Variants in EYS observed in about 807,000 individuals in gnomAD.
EYS encodes EGF-like photoreceptor maintenance factor.
In EYS, 250 loss-of-function variants were observed where a neutral mutation model predicts 282.1. The observed-to-expected ratio is 0.89, with a 90% confidence interval of 0.80 to 0.98. The LOEUF is 0.98. Ranked by LOEUF, EYS falls within the 50% of genes least tolerant of loss-of-function variation. The pLI, the probability that EYS is intolerant of heterozygous loss-of-function variation, is 0.00. For synonymous variants in EYS, 1,355 were observed against 1,282.9 expected, an observed-to-expected ratio of 1.06 and a Z score of -1.20; for missense variants, 4,016 against 3,709.0, an observed-to-expected ratio of 1.08 and a Z score of -2.15.
chr6:64,388,941 G>A (rs1773006501), intron 28 of EYS, 101 bp from the exon 29 acceptor site: 2 of 797,760 alleles, frequency 2.5e-6, no homozygotes, highest in African/African-American at 1.8e-5. Context: ...TAAGTAAATA[G>A]ATTATTTCAC....
intron 26 of EYS, among the ~76,000 whole-genome samples, chr6:64,453,923 T>C (rs922699591): frequency 1.3e-5 from 2 of 152,048 alleles, no homozygotes; most frequent in Non-Finnish European, 2.9e-5. Context: ...CGAGTTAATG[T>C]GTGCAGCACA....
chr6:64,777,181 G>T (rs1421883351), intron 22 of EYS, among the ~76,000 whole-genome samples: 1 of 152,094 alleles, frequency 6.6e-6, no homozygotes, highest in African/African-American at 2.4e-5. Context: ...ATTTGGGTGG[G>T]GCACAGCTAA....
intron 12 of EYS, among the ~76,000 whole-genome samples, chr6:65,103,298 G>A (rs767175466): frequency 2.0e-5 from 3 of 151,476 alleles, no homozygotes; most frequent in Non-Finnish European, 4.4e-5. Context: ...TATAACAATT[G>A]AAATAAATTA....
At chr6:64,269,911 A>C (rs941278822) in intron 30 of EYS, among the ~76,000 whole-genome samples, 1 of 152,094 alleles carries the variant, frequency 6.6e-6, no homozygotes. Context: ...TTGTAGTAAA[A>C]AAAAGGACAA....
intron 31 of EYS, among the ~76,000 whole-genome samples, chr6:64,164,318 T>C (rs1304516989): frequency 6.6e-6 from 1 of 152,122 alleles, no homozygotes; most frequent in Non-Finnish European, 1.5e-5. Context: ...AAAATACTTT[T>C]CTTACCATGA....
intron 26 of EYS, among the ~76,000 whole-genome samples, chr6:64,522,885 T>C (rs1213913780): frequency 1.3e-5 from 2 of 151,780 alleles, no homozygotes; most frequent in East Asian, 3.9e-4. Flanking sequence ...CAGTTAAAGA[T>C]GAAAAGAAAA....
chr6:65,529,281 T>A (rs1767678369), intron 2 of EYS, among the ~76,000 whole-genome samples: 1 of 152,198 alleles, frequency 6.6e-6, no homozygotes, highest in Admixed American at 6.5e-5. Flanking sequence ...GCTTACTTCC[T>A]CATAATTCTG....
intron 30 of EYS, among the ~76,000 whole-genome samples, chr6:64,270,068 T>C (rs1767891021): frequency 6.6e-6 from 1 of 152,156 alleles, no homozygotes; most frequent in Non-Finnish European, 1.5e-5. Flanking sequence ...GATAATTGGA[T>C]AATGGCTGAA....
At chr6:64,740,180 T>C (rs535989543) in intron 22 of EYS, among the ~76,000 whole-genome samples, 33 of 152,246 alleles carry the variant, frequency 2.2e-4, no homozygotes, top group African/African-American at 7.5e-4. Flanking sequence ...CAGCACAATC[T>C]ACATAATCAC....
chr6:64,865,768 T>C (rs892428600), intron 19 of EYS, among the ~76,000 whole-genome samples: 1 of 152,072 alleles, frequency 6.6e-6, no homozygotes, highest in Admixed American at 6.5e-5. Context: ...ATTTTAGGAC[T>C]CAATGAAGGA....
chr6:64,893,728 CATCTT>C (rs1368563175), intron 18 of EYS, among the ~76,000 whole-genome samples: 1 of 151,846 alleles, frequency 6.6e-6, no homozygotes, highest in Non-Finnish European at 1.5e-5. Context: ...ATATTTAACT[CATCTT>C]AGTATTGTTT....
At chr6:65,443,468 C>T (rs1484911610) in intron 5 of EYS, among the ~76,000 whole-genome samples, 1 of 128,380 alleles carries the variant, frequency 7.8e-6, no homozygotes, top group Non-Finnish European at 1.8e-5. Flanking sequence ...ACGCCATACA[C>T]ATGCACATAT....
At chr6:65,052,660 T>C (rs16896174) in intron 13 of EYS, among the ~76,000 whole-genome samples, 11,718 of 151,702 alleles carry the variant, frequency 0.077, 738 homozygotes, top group East Asian at 0.27. Context: ...AATAATTATA[T>C]CAGGGAAAGT....
At chr6:64,150,582 C>A (rs184327120) in intron 31 of EYS, among the ~76,000 whole-genome samples, 1 of 152,172 alleles carries the variant, frequency 6.6e-6, no homozygotes, top group East Asian at 1.9e-4. Context: ...GATTTGATTA[C>A]TTAAAAAGTG....
chr6:64,246,299 G>A (rs1299057347), intron 30 of EYS, among the ~76,000 whole-genome samples: 2 of 151,328 alleles, frequency 1.3e-5, no homozygotes, highest in South Asian at 2.1e-4. Context: ...TAGCATGAAC[G>A]TTATATATGT....
chr6:63,948,703 G>C (rs1582013632), intron 35 of EYS, among the ~76,000 whole-genome samples: 1 of 151,736 alleles, frequency 6.6e-6, no homozygotes, highest in South Asian at 2.1e-4. Flanking sequence ...TCAGTCAAGA[G>C]TATTCTATTA....
At chr6:64,347,002 A>T (rs1232169832) in intron 29 of EYS, among the ~76,000 whole-genome samples, 2 of 151,440 alleles carry the variant, frequency 1.3e-5, no homozygotes, top group East Asian at 1.9e-4. Context: ...CAAGAAGCAG[A>T]TCTAGATTCC....
intron 29 of EYS, among the ~76,000 whole-genome samples, chr6:64,363,899 T>C (rs1772106683): frequency 6.6e-6 from 1 of 151,946 alleles, no homozygotes; most frequent in South Asian, 2.1e-4. Flanking sequence ...AGTGTAGTCA[T>C]ACAACAAGAT....
intron 9 of EYS, among the ~76,000 whole-genome samples, chr6:65,352,883 C>T (rs1764340184): frequency 6.6e-6 from 1 of 151,914 alleles, no homozygotes; most frequent in Non-Finnish European, 1.5e-5. Flanking sequence ...CCCAGACAGG[C>T]CTTCAAAGAA....
Sources: allele counts gnomAD v4.1 joint callset (sites outside exome capture counted in the v4.1 genomes callset), GRCh38; gene constraint gnomAD v4.1.1; transcripts MANE v1.5; gene names NCBI Gene and HGNC (gene_info 2026-07-23, HGNC 2026-07-21).